The following DCAF13 variants were observed in gnomAD, a reference collection of about 807,000 sequenced individuals.
DCAF13 encodes the protein DDB1- and CUL4-associated factor 13.
DCAF13 carries 38 observed loss-of-function variants against 59.0 expected under a neutral mutation model. That is an observed-to-expected ratio of 0.64 (90% CI 0.50 to 0.84). DCAF13 has a LOEUF of 0.84. Among genes scored for constraint, DCAF13 ranks in the 40% least tolerant of loss-of-function variants. The pLI is 0.00. For missense variants in DCAF13, 469 were observed against 558.4 expected (o/e 0.84, Z 1.61); for synonymous variants, 173 against 175.0 (o/e 0.99, Z 0.09).
chr8:103,433,544 A>T (rs1816893861), intron 7 of DCAF13, among the ~76,000 whole-genome samples: 1 of 151,914 alleles, frequency 6.6e-6, no homozygotes, highest in Non-Finnish European at 1.5e-5. Flanking sequence ...AGATCTTTGT[A>T]TTGTTTTATG....
At chr8:103,427,735 AT>A (rs1307946233) in intron 5 of DCAF13, 1 of 154,138 alleles carries the variant, frequency 6.5e-6, no homozygotes, top group Non-Finnish European at 1.4e-5. Flanking sequence ...AGTTATAGTT[AT>A]ATTTTTCTTT....
chr8:103,431,055 G>A (rs2304501), intron 6 of DCAF13, among the ~76,000 whole-genome samples: 34,220 of 152,010 alleles, frequency 0.23, 3,964 homozygotes, highest in East Asian at 0.34. Context: ...CATGATTATC[G>A]TATGACATGT....
chr8:103,423,312 T>C (rs1816746570), intron 3 of DCAF13, among the ~76,000 whole-genome samples: 1 of 150,998 alleles, frequency 6.6e-6, no homozygotes, highest in South Asian at 2.1e-4. Flanking sequence ...TGTCCAGCAA[T>C]GGATGAATGA....
chr8:103,416,679 G>A (rs1319858928), intron 1 of DCAF13, among the ~76,000 whole-genome samples: 1 of 152,150 alleles, frequency 6.6e-6, no homozygotes, highest in Non-Finnish European at 1.5e-5. Flanking sequence ...ATTGTCTCAT[G>A]ATTATTATTT....
Position 103,415,400 on chromosome 8 carries a change from A to G in DCAF13, c.-47A>G, listed in dbSNP as rs1277716629. On this transcript the variant is annotated 5_prime_UTR_variant, in exon 1 of 11. Transcript: ENST00000612750. ...TGTGGGAGGAGGTGGCGGTGGGCGGAACTCCTAGCGGACACCTCGTGGAGT... is the reference window on the plus strand; with the variant it reads ...TGTGGGAGGAGGTGGCGGTGGGCGGGACTCCTAGCGGACACCTCGTGGAGT... 1 of 1,614,048 alleles carries G rather than the reference A, an allele frequency of 6.2e-7. No homozygotes were observed. The highest frequency in any genetic ancestry group is 8.5e-7 in the Non-Finnish European group (1 of 1,180,004).
At chr8:103,419,940 C>T (rs1258616684) in intron 1 of DCAF13, among the ~76,000 whole-genome samples, 1 of 147,604 alleles carries the variant, frequency 6.8e-6, no homozygotes, top group Non-Finnish European at 1.5e-5. Context: ...ACCTGAGAAG[C>T]GGAGGTTGCA....
At position 103,415,469 on chromosome 8, in the gene DCAF13, G is replaced by A; in HGVS notation, c.23G>A (p.Arg8Gln). The A allele has an allele frequency of 6.2e-7, 1 of 1,613,730 alleles. No individual in the cohort carries two copies. Among genetic ancestry groups the A allele is most frequent in the Non-Finnish European group, 8.5e-7 (1 of 1,179,758 alleles). The part of the protein sequence containing the change: MKVKMLS[R>Q]NPDNYVRETK... ...GAGATGAAGGTGAAGATGCTGAGCC[G>A]GAATCCGGACAATTATGTCCGCGAA... The change falls in exon 1 of 11, where the codon CGG becomes CAG. Residue 8 changes from arginine (R) to glutamine (Q), a missense_variant. Transcript: ENST00000612750.
chr8:103,440,372 A>T lies in DCAF13; in HGVS notation c.1086+101A>T. 6.4e-6 allele frequency: 7 copies of T among 1,087,608 alleles called. No individual in the cohort carries two copies. The Admixed American group carries it at 1.7e-4, about 26-fold the overall frequency. The allele number at this position is 1,087,608 out of a possible 1,614,324, so 67.4% of individuals were successfully genotyped here. A position where few individuals can be genotyped will look rare whatever the true frequency, so the allele number is the denominator to read the frequency against. ...CTTTTAGGTATTTTTGGGTATTTTGATTAAATTGACATAGCTGTGATAAAA... is the reference window on the plus strand; with the variant it reads ...CTTTTAGGTATTTTTGGGTATTTTGTTTAAATTGACATAGCTGTGATAAAA... On this transcript the variant is annotated intron_variant, in intron 9 of 10. Transcript: ENST00000612750.
intron 7 of DCAF13, among the ~76,000 whole-genome samples, chr8:103,433,959 T>C (rs938780567): frequency 2.0e-5 from 3 of 152,066 alleles, no homozygotes; most frequent in African/African-American, 7.2e-5. Flanking sequence ...TCTAATAAGC[T>C]ATTTTAGCAA....
intron 8 of DCAF13, among the ~76,000 whole-genome samples, chr8:103,436,784 T>G (rs1816940240): frequency 6.6e-6 from 1 of 152,284 alleles, no homozygotes; most frequent in Non-Finnish European, 1.5e-5. Context: ...TTAGTAATGC[T>G]TTAGATGTGT....
intron 2 of DCAF13, 28 bp downstream of exon 2, chr8:103,420,491 A>T: frequency 6.3e-7 from 1 of 1,593,182 alleles, no homozygotes; most frequent in South Asian, 1.1e-5. Context: ...TGATATTTTC[A>T]ACTAAAAGTA....
chr8:103,435,686 A>G lies in DCAF13; in HGVS notation c.846A>G (p.Val282=). Residue 282 remains valine (V), a synonymous_variant, in exon 8 of 11, where the codon GTA becomes GTG. Coordinates refer to ENST00000612750, the MANE Select transcript of DCAF13 (RefSeq NM_015420.7). ...CTGTAATGGTCCATATGGATCATGTATCTGCAGTGCTTGATGTGGATTACT... is the reference window on the plus strand; with the variant it reads ...CTGTAATGGTCCATATGGATCATGTGTCTGCAGTGCTTGATGTGGATTACT... ...DTPVMVHMDH[V]SAVLDVDYSP... is the part of the protein sequence containing the mutation. 6.2e-7 allele frequency: 1 copy of G among 1,612,990 alleles called. No individual in the cohort carries two copies. The highest frequency in any genetic ancestry group is 8.5e-7 in the Non-Finnish European group (1 of 1,179,362).
At chr8:103,421,138 A>G in intron 3 of DCAF13, 56 bp downstream of exon 3, 1 of 1,172,586 alleles carries the variant, frequency 8.5e-7, no homozygotes, top group Non-Finnish European at 1.3e-6. Context: ...AGAATAATCT[A>G]ATTGAATACA....
chr8:103,420,167 A>G (rs1816702741), intron 1 of DCAF13, 97 bp from the exon 2 acceptor site: 1 of 1,078,422 alleles, frequency 9.3e-7, no homozygotes, highest in African/African-American at 1.6e-5. Flanking sequence ...GAACAATGTC[A>G]CTAACTAAAT....
In DCAF13 at chr8:103,442,738, GTTTTC is replaced by G. The variant is rs1817026852; in HGVS notation, c.1251-53_1251-49del. The G allele has an allele frequency of 2.1e-5, 25 of 1,196,474 alleles. No individual in the cohort carries two copies. In the South Asian group the frequency reaches 4.3e-4, roughly 21 times the overall value. 74.1% of individuals were successfully genotyped at this position (1,196,474 alleles called of 1,614,324 possible). On this transcript the variant is annotated intron_variant, in intron 10 of 10. Transcript: ENST00000612750. ...AAAATGCTTTGATTTTTCTGAGAAA[GTTTTC>G]TTTAAGATGAGTTCCCATAACTTGC...
rs1816989400 is a variant in DCAF13, at chr8:103,440,164, C to T, written c.979C>T (p.His327Tyr). 1.9e-6 allele frequency: 3 copies of T among 1,598,872 alleles called. No homozygotes were observed. The highest frequency in any genetic ancestry group is 1.1e-5 in the South Asian group (1 of 87,978). ...GGTATATCATACAAAGAGAATGCAA[C>T]ATGTTATCTGTGTAAAATGGACTTC... ...REVYHTKRMQ[H>Y]VICVKWTSDS... Residue 327 changes from histidine to tyrosine, a missense_variant, in exon 9 of 11, where the codon CAT becomes TAT. By Grantham distance (83) the His-to-Tyr change is moderately conservative (BLOSUM62 2). Transcript: ENST00000612750.
In DCAF13 at chr8:103,427,432, G is replaced by C. The variant is rs1042845691; in HGVS notation, c.624+180G>C. 28 of 616,866 alleles carry C rather than the reference G, an allele frequency of 4.5e-5. No individual in the cohort carries two copies. In the African/African-American group the frequency reaches 5.0e-4, roughly 11 times the overall value. The allele number at this position is 616,866 out of a possible 1,614,324, so 38.2% of individuals were successfully genotyped here. ...TGCTCAAATCCCAACATGTTTCCCAGCAGTTTAGTCCCAGATACTAGAGTT... is the reference window on the plus strand; with the variant it reads ...TGCTCAAATCCCAACATGTTTCCCACCAGTTTAGTCCCAGATACTAGAGTT... On this transcript the variant is annotated intron_variant, in intron 5 of 10. Coordinates refer to ENST00000612750, the MANE Select transcript of DCAF13 (RefSeq NM_015420.7).
At chr8:103,441,769 CT>C in intron 10 of DCAF13, 151 bp downstream of exon 10, 1 of 721,558 alleles carries the variant, frequency 1.4e-6, no homozygotes, top group Non-Finnish European at 2.2e-6. Flanking sequence ...TACAGAAGGC[CT>C]TTTCTTTTTT....
chr8:103,420,444 C>G lies in DCAF13; in HGVS notation c.251C>G (p.Ser84Cys), dbSNP rs955517671. Residue 84 changes from serine to cysteine, a missense_variant, in exon 2 of 11, where the codon TCT becomes TGT. Physicochemically the swap from Ser to Cys is moderately radical, Grantham distance 112 (BLOSUM62 -1). Transcript: ENST00000612750. ...KHPEKLATVL[S>C]GACDGEVRIW... ...CCAGAGAAGCTGGCTACTGTCCTTT[C>G]TGGGGCGTGTGATGGAGAGGCAAGT... is the stretch of plus-strand genomic sequence containing the variant. 1.2e-6 allele frequency: 2 copies of G among 1,613,728 alleles called. No individual in the cohort carries two copies. The highest frequency in any genetic ancestry group is 2.7e-5 in the African/African-American group (2 of 75,036).
Sources: allele counts gnomAD v4.1 joint callset (sites outside exome capture counted in the v4.1 genomes callset), GRCh38; gene constraint gnomAD v4.1.1; transcripts MANE v1.5; gene names NCBI Gene and HGNC (gene_info 2026-07-23, HGNC 2026-07-21).